The following FNBP1L variants were observed in gnomAD, a reference collection of about 807,000 sequenced individuals.
FNBP1L encodes the protein formin-binding protein 1-like.
In FNBP1L, 36 loss-of-function variants were observed where a neutral mutation model predicts 91.2. That is an observed-to-expected ratio of 0.39 (90% CI 0.30 to 0.52). The LOEUF is 0.52. Among genes scored for constraint, FNBP1L ranks in the 20% least tolerant of loss-of-function variants. FNBP1L has a pLI of 0.66. For missense variants in FNBP1L, 571 were observed against 732.1 expected, an observed-to-expected ratio of 0.78 and a Z score of 2.54; for synonymous variants, 242 against 237.0, an observed-to-expected ratio of 1.02 and a Z score of -0.19.
intron 13 of FNBP1L, 92 bp from the exon 14 acceptor site, chr1:93,547,255 A>ATAAAAACT: frequency 8.9e-7 from 1 of 1,117,928 alleles, no homozygotes; most frequent in Non-Finnish European, 1.3e-6. Context: ...TTACATAATT[A>ATAAAAACT]TAAAAACTTA....
intron 1 of FNBP1L, among the ~76,000 whole-genome samples, chr1:93,493,554 C>T (rs1670166857): frequency 6.6e-6 from 1 of 152,088 alleles, no homozygotes; most frequent in Admixed American, 6.6e-5. Context: ...TGTCAACTAC[C>T]ATTCTACTTC....
At chr1:93,460,325 C>G (rs1339348032) in intron 1 of FNBP1L, among the ~76,000 whole-genome samples, 1 of 152,164 alleles carries the variant, frequency 6.6e-6, no homozygotes, top group African/African-American at 2.4e-5. Flanking sequence ...CAGAGAGCAG[C>G]CTTCACCAGA....
chr1:93,532,536 A>AG lies in FNBP1L; in HGVS notation c.640-386_640-385insG, dbSNP rs1398246880. Reference sequence around the variant, plus strand: ...TGGGCCAGTTGCTTTAAAAAAAAAAAAAAGCACCAGAATTTTGTCATCAAA... The same window carrying AG: ...TGGGCCAGTTGCTTTAAAAAAAAAAAGAAAGCACCAGAATTTTGTCATCAAA... On this transcript the variant is annotated intron_variant, in intron 7 of 16. Transcript: ENST00000271234. Among the ~76,000 whole-genome samples the AG allele has an allele frequency of 2.0e-5, 3 of 151,588 alleles. No homozygotes were observed. In the East Asian group the frequency reaches 5.8e-4, roughly 29 times the overall value.
At chr1:93,470,816 T>G (rs1401541290) in intron 1 of FNBP1L, among the ~76,000 whole-genome samples, 1 of 144,462 alleles carries the variant, frequency 6.9e-6, no homozygotes, top group African/African-American at 2.6e-5. Flanking sequence ...GAGCTTGCAG[T>G]GAGCAGAGAT....
At chr1:93,514,846 A>C (rs1215147184) in intron 2 of FNBP1L, among the ~76,000 whole-genome samples, 2 of 152,158 alleles carry the variant, frequency 1.3e-5, no homozygotes, top group Non-Finnish European at 2.9e-5. Context: ...ACCATTCAGG[A>C]CATAGGCATG....
At position 93,552,390 on chromosome 1, in the gene FNBP1L, T is replaced by C; in HGVS notation, c.1811-19T>C. 6.2e-7 allele frequency: 1 copy of C among 1,610,834 alleles called. No homozygotes were observed. The highest frequency in any genetic ancestry group is 1.7e-5 in the Admixed American group (1 of 59,586). On this transcript the variant is annotated intron_variant, in intron 16 of 16. Transcript: ENST00000271234. ...AGGTCTTCAGTAATTGTTCTTTTCT[T>C]TTTCCTCCTGGACTGCAGGTTCCTG...
intron 3 of FNBP1L, among the ~76,000 whole-genome samples, 185 bp from the exon 4 acceptor site, chr1:93,523,159 A>G (rs779953115): frequency 1.3e-5 from 2 of 152,236 alleles, no homozygotes; most frequent in African/African-American, 2.4e-5. Flanking sequence ...ACTTGAAGAT[A>G]TACAAACATG....
At position 93,524,887 on chromosome 1, in the gene FNBP1L, C is replaced by A. The variant is rs56405388; in HGVS notation, c.405+564C>A. 9.6e-3 allele frequency among the ~76,000 whole-genome samples: 1,461 copies of A among 152,008 alleles called. 20 individuals are homozygous for A. The highest frequency in any genetic ancestry group is 0.033 in the African/African-American group (1,378 of 41,510). ...CCTTCCCATTGTAGGAAATAAAGTA[C>A]TTTGTAGGGCAAAATTATAAAGGCA... On this transcript the variant is annotated intron_variant, in intron 5 of 16. Coordinates refer to ENST00000271234, the MANE Select transcript of FNBP1L (RefSeq NM_001164473.3).
At chr1:93,471,198 G>A (rs148528960) in intron 1 of FNBP1L, among the ~76,000 whole-genome samples, 9 of 152,202 alleles carry the variant, frequency 5.9e-5, no homozygotes, top group African/African-American at 2.2e-4. Context: ...TACTGGTTGA[G>A]CATTCCTAAT....
Position 93,549,379 on chromosome 1 carries a change from A to T in FNBP1L, c.1604A>T (p.Asp535Val). 1 of 1,612,438 alleles carries T rather than the reference A, an allele frequency of 6.2e-7. No homozygotes were observed. Residue 535 changes from aspartate to valine, a missense_variant, in exon 15 of 17, where the codon GAT becomes GTT. By Grantham distance (152) the Asp-to-Val change is radical. Transcript: ENST00000271234. The stretch of plus-strand genomic sequence containing the variant: ...TTTGATGATGAATTTGAGGATGATG[A>T]TCCCTTGCCTGCTATTGGACACTGC... Reference protein sequence around the residue: ...NEFDDEFEDDDPLPAIGHCKA... With the variant: ...NEFDDEFEDDVPLPAIGHCKA...
chr1:93,538,118 C>A lies in FNBP1L; in HGVS notation c.1149+1628C>A, dbSNP rs74344861. 9.6e-3 allele frequency among the ~76,000 whole-genome samples: 1,454 copies of A among 151,724 alleles called. 26 individuals are homozygous for A. Among genetic ancestry groups the A allele is most frequent in the African/African-American group, 0.034 (1,388 of 41,374 alleles). On this transcript the variant is annotated intron_variant, in intron 10 of 16. Coordinates refer to ENST00000271234, the MANE Select transcript of FNBP1L (RefSeq NM_001164473.3). Reference sequence around the variant, plus strand: ...GTCTACCAGGCCCAGTTAAAATAGTCATATTTTACACTATATAGTCATAGT... The same window carrying A: ...GTCTACCAGGCCCAGTTAAAATAGTAATATTTTACACTATATAGTCATAGT...
At chr1:93,452,668 G>A (rs1557770686) in intron 1 of FNBP1L, among the ~76,000 whole-genome samples, 1 of 152,112 alleles carries the variant, frequency 6.6e-6, no homozygotes, top group East Asian at 1.9e-4. Context: ...CTCCACAATC[G>A]TCCTTCCTTA....
At chr1:93,459,849 CA>C (rs1213999263) in intron 1 of FNBP1L, among the ~76,000 whole-genome samples, 3 of 151,954 alleles carry the variant, frequency 2.0e-5, no homozygotes, top group Non-Finnish European at 2.9e-5. Flanking sequence ...CTCCAAAATA[CA>C]AGTTGAAGCT....
At chr1:93,535,450 TTAGA>T (rs1381619862) in intron 9 of FNBP1L, among the ~76,000 whole-genome samples, 1 of 152,128 alleles carries the variant, frequency 6.6e-6, no homozygotes, top group African/African-American at 2.4e-5. Context: ...GCTCTTTATT[TTAGA>T]TAGATCTAGG....
Position 93,477,763 on chromosome 1 carries a change from C to T in FNBP1L, c.25-21705C>T, listed in dbSNP as rs373392133. Among the ~76,000 whole-genome samples the T allele has an allele frequency of 1.4e-4, 21 of 152,194 alleles. 1 individual carries two copies. The East Asian group carries it at 1.5e-3, about 11-fold the overall frequency. On this transcript the variant is annotated intron_variant, in intron 1 of 16. Coordinates refer to ENST00000271234, the MANE Select transcript of FNBP1L (RefSeq NM_001164473.3). ...AATACTTGAGTCTAATTTGAAAAAT[C>T]CATATTTCTATTTCAGATGTCCTAC...
intron 1 of FNBP1L, among the ~76,000 whole-genome samples, chr1:93,479,517 C>T (rs1442007375): frequency 6.6e-6 from 1 of 152,056 alleles, no homozygotes; most frequent in Non-Finnish European, 1.5e-5. Flanking sequence ...CTGCAGGAGA[C>T]CAGGGCGTAT....
At chr1:93,541,144 T>C (rs1672030506) in intron 11 of FNBP1L, 88 bp downstream of exon 11, 7 of 1,264,344 alleles carry the variant, frequency 5.5e-6, no homozygotes, top group Non-Finnish European at 7.7e-6. Flanking sequence ...AGTGGTAAAT[T>C]ACATCCCACG....
chr1:93,495,357 A>G (rs1192873386), intron 1 of FNBP1L, among the ~76,000 whole-genome samples: 2 of 152,230 alleles, frequency 1.3e-5, no homozygotes, highest in South Asian at 2.1e-4. Context: ...GTGTTGAGAA[A>G]GATTTATTCT....
intron 1 of FNBP1L, among the ~76,000 whole-genome samples, chr1:93,486,080 G>C (rs904397500): frequency 6.6e-6 from 1 of 152,208 alleles, no homozygotes; most frequent in African/African-American, 2.4e-5. Context: ...AGGAAGCTCA[G>C]AGATCAAGTG....
Sources: allele counts gnomAD v4.1 joint callset (sites outside exome capture counted in the v4.1 genomes callset), GRCh38; gene constraint gnomAD v4.1.1; transcripts MANE v1.5; gene names NCBI Gene and HGNC (gene_info 2026-07-23, HGNC 2026-07-21).